Variants in MTG1 observed in about 807,000 individuals in gnomAD.
The protein encoded by MTG1 is mitochondrial ribosome associated GTPase 1, also known as mitochondrial ribosome-associated GTPase 1.
A neutral mutation model predicts 39.5 loss-of-function variants in MTG1; 30 were observed. The ratio of observed to expected loss-of-function variants is 0.76; its 90% CI spans 0.57 to 1.03. The LOEUF (loss-of-function observed/expected upper bound fraction) is 1.03, where lower values mean the gene tolerates loss of function less well. Among genes scored for constraint, MTG1 ranks in the 50% least tolerant of loss-of-function variants. The pLI is 0.00. For missense variants in MTG1, 513 were observed against 447.4 expected (o/e 1.15, Z -1.32); for synonymous variants, 217 against 179.0 (o/e 1.21, Z -1.69).
intron 9 of MTG1, among the ~76,000 whole-genome samples, chr10:133,419,199 G>A (rs1589920695): frequency 6.6e-6 from 1 of 152,210 alleles, no homozygotes; most frequent in South Asian, 2.1e-4. Flanking sequence ...TACTCCTCCC[G>A]CTGCGGCAAG....
rs1256341160 is a variant in MTG1, at chr10:133,419,565, CAGA to C, written c.841_843del (p.Lys281del). 6.2e-7 allele frequency: 1 copy of C among 1,608,804 alleles called. No individual in the cohort carries two copies. Among genetic ancestry groups the C allele is most frequent in the Admixed American group, 1.7e-5 (1 of 59,478 alleles). ...TGTGGCTGTGAAGCTGGGGAAGACG[CAGA>C]AGGTGAAGGTGCTCACGGGCACGGG... On this transcript the variant is annotated inframe_deletion, in exon 10 of 11. Coordinates refer to ENST00000317502, the MANE Select transcript of MTG1 (RefSeq NM_138384.4).
At position 133,420,038 on chromosome 10, in the gene MTG1, T is replaced by G. The variant is rs894183349; in HGVS notation, c.878T>G (p.Ile293Ser). 3 of 1,611,394 alleles carry G rather than the reference T, an allele frequency of 1.9e-6. No homozygotes were observed. Among genetic ancestry groups the G allele is most frequent in the Non-Finnish European group, 1.7e-6 (2 of 1,178,524 alleles). ...TCCCGTCCCCCAGGTAACGTGAACA[T>G]TATTCAGCCTAACTATCCTGCGGCA... ...KVLTGTGNVN[I>S]IQPNYPAAAR... The change falls in exon 11 of 11, where the codon ATT becomes AGT. Residue 293 changes from isoleucine (I) to serine (S), a missense_variant. Coordinates refer to ENST00000317502, the MANE Select transcript of MTG1 (RefSeq NM_138384.4).
At chr10:133,396,875 A>AC (rs1051812575) in intron 3 of MTG1, among the ~76,000 whole-genome samples, 20 of 152,316 alleles carry the variant, frequency 1.3e-4, no homozygotes, top group African/African-American at 4.8e-4. Flanking sequence ...CGGTAACGCC[A>AC]GTGTCTGGGA....
intron 9 of MTG1, among the ~76,000 whole-genome samples, chr10:133,408,981 A>G (rs1850007242): frequency 6.7e-6 from 1 of 149,078 alleles, no homozygotes; most frequent in Non-Finnish European, 1.5e-5. Context: ...TTTTTGAAAT[A>G]ATTTTTTGTT....
rs1221647231 is a variant in MTG1 at position 133,421,903 on chromosome 10, C to CGGGG, written c.*1741_*1744dup. 6.7e-5 allele frequency: 9 copies of CGGGG among 134,464 alleles called. 2 individuals are homozygous for CGGGG. In the East Asian group the frequency reaches 1.4e-3, roughly 21 times the overall value. 8.3% of individuals were successfully genotyped at this position (134,464 alleles called of 1,614,324 possible). ...AGAGGGTGAGATCCCAAGGCCACGG[C>CGGGG]GGGGGGCAGGGAGAACCCCTCCTAC... On this transcript the variant is annotated 3_prime_UTR_variant, in exon 11 of 11. Coordinates refer to ENST00000317502, the MANE Select transcript of MTG1 (RefSeq NM_138384.4).
At chr10:133,416,187 T>C (rs1359941517) in intron 9 of MTG1, among the ~76,000 whole-genome samples, 1 of 152,034 alleles carries the variant, frequency 6.6e-6, no homozygotes, top group Non-Finnish European at 1.5e-5. Flanking sequence ...TCCCACTCAG[T>C]AGTTTTCATA....
At chr10:133,417,858 C>T (rs1260171669) in intron 9 of MTG1, among the ~76,000 whole-genome samples, 3 of 152,096 alleles carry the variant, frequency 2.0e-5, no homozygotes, top group Admixed American at 2.0e-4. Flanking sequence ...CAAACCACTG[C>T]TCAATGAAAT....
intron 10 of MTG1, 40 bp from the exon 11 acceptor site, chr10:133,419,986 T>A: frequency 6.3e-7 from 1 of 1,576,832 alleles, no homozygotes; most frequent in South Asian, 1.2e-5. Flanking sequence ...CCTGTCCTGC[T>A]GTGAAGGCTC....
intron 6 of MTG1, chr10:133,399,827 A>G (rs1849846764): frequency 8.3e-6 from 4 of 479,202 alleles, no homozygotes; most frequent in South Asian, 8.2e-5. Flanking sequence ...TGAATTTCAC[A>G]CTTAATTTTT....
intron 6 of MTG1, among the ~76,000 whole-genome samples, chr10:133,401,082 G>T (rs1774403485): frequency 1.3e-5 from 2 of 152,256 alleles, no homozygotes; most frequent in African/African-American, 4.8e-5. Context: ...AGAGCAGCCA[G>T]TCGCCTGTGG....
In MTG1 at chr10:133,402,054, G is replaced by A. The variant is rs1426843172; in HGVS notation, c.574-95G>A. The stretch of plus-strand genomic sequence containing the variant: ...TTGGGTCCCTGAGGCCTTCCTCGGA[G>A]CATTGGGTGCCAGGGGCTGCCCAGG... On this transcript the variant is annotated intron_variant, in intron 7 of 10. Coordinates refer to ENST00000317502, the MANE Select transcript of MTG1 (RefSeq NM_138384.4). The surrounding 1 kb of genome is among the most constrained non-coding windows in gnomAD (Gnocchi z 4.7). 2.0e-6 allele frequency: 3 copies of A among 1,484,198 alleles called. No individual in the cohort carries two copies. Among genetic ancestry groups the A allele is most frequent in the East Asian group, 2.3e-5 (1 of 44,086 alleles). The allele number at this position is 1,484,198 out of a possible 1,614,324, so 91.9% of individuals were successfully genotyped here.
chr10:133,419,398 A>G, intron 9 of MTG1, 82 bp from the exon 10 acceptor site: 1 of 1,214,430 alleles, frequency 8.2e-7, no homozygotes, highest in South Asian at 1.4e-5. Flanking sequence ...CCTTTGTGGC[A>G]TTCAGGAGGA....
chr10:133,394,397 C>T (rs1294628445), intron 1 of MTG1, 65 bp downstream of exon 1: 17 of 1,372,806 alleles, frequency 1.2e-5, no homozygotes, highest in East Asian at 3.1e-5. Context: ...TCCCTCCCAC[C>T]CCGGTTTCGG....
intron 9 of MTG1, among the ~76,000 whole-genome samples, chr10:133,415,624 T>C (rs1432807710): frequency 6.6e-6 from 1 of 152,238 alleles, no homozygotes; most frequent in Non-Finnish European, 1.5e-5. Flanking sequence ...GTTCCTCTGC[T>C]GCTTCCAGGA....
chr10:133,401,728 G>T, intron 7 of MTG1, 138 bp downstream of exon 7: 1 of 821,718 alleles, frequency 1.2e-6, no homozygotes, highest in Non-Finnish European at 2.0e-6. Context: ...AGCACCCCCG[G>T]GGCAGGCACT....
At chr10:133,396,730 T>G (rs1849788925) in intron 3 of MTG1, among the ~76,000 whole-genome samples, 1 of 152,184 alleles carries the variant, frequency 6.6e-6, no homozygotes, top group Non-Finnish European at 1.5e-5. Context: ...TTATTATAAT[T>G]CTTGCTCTAT....
chr10:133,416,073 G>GC (rs1223994727), intron 9 of MTG1, among the ~76,000 whole-genome samples: 1 of 151,962 alleles, frequency 6.6e-6, no homozygotes, highest in Non-Finnish European at 1.5e-5. Context: ...GCTTGGCTTT[G>GC]CCCCACCGCA....
intron 1 of MTG1, chr10:133,394,693 C>T (rs1041062455): frequency 1.8e-6 from 2 of 1,093,196 alleles, no homozygotes; most frequent in African/African-American, 3.3e-5. Flanking sequence ...ACAAGATAGA[C>T]TTTTCTGAGT....
At chr10:133,409,746 A>C (rs2133506668) in intron 9 of MTG1, among the ~76,000 whole-genome samples, 1 of 152,204 alleles carries the variant, frequency 6.6e-6, no homozygotes, top group South Asian at 2.1e-4. Flanking sequence ...CTGCTTGCTG[A>C]ATTGACCCCT....
Sources: allele counts gnomAD v4.1 joint callset (sites outside exome capture counted in the v4.1 genomes callset), GRCh38; gene constraint gnomAD v4.1.1; non-coding constraint Gnocchi (gnomAD v3.1); transcripts MANE v1.5; gene names NCBI Gene and HGNC (gene_info 2026-07-23, HGNC 2026-07-21).